Variants in C13orf46 observed in about 807,000 individuals in gnomAD.
The protein encoded by C13orf46 is chromosome 13 open reading frame 46, also known as uncharacterized protein C13orf46.
chr13:113,945,965 CCGCCCGTTCACTG>C, the C13orf46 span, among the ~76,000 whole-genome samples: 1 of 150,800 alleles, frequency 6.6e-6, no homozygotes, highest in Non-Finnish European at 1.5e-5. Flanking sequence ...AAACCCACCG[CCGCCCGTTCACTG>C]TGATTTAGGG....
At chr13:113,972,719 A>G (rs1030630474) in intron 1 of C13orf46, among the ~76,000 whole-genome samples, 14 of 152,214 alleles carry the variant, frequency 9.2e-5, no homozygotes, top group Non-Finnish European at 2.1e-4. Context: ...AACACCAGCT[A>G]CGCAGGTTCC....
rs1250388256 is a variant in C13orf46, at chr13:113,954,981, G to A, written c.*1792C>T. ...ACGAGGAGGAGGATCTGGCGGAGACGAGGAGGAGGATCTGGCAGAGAGGAG... is the reference window on the plus strand; with the variant it reads ...ACGAGGAGGAGGATCTGGCGGAGACAAGGAGGAGGATCTGGCAGAGAGGAG... On this transcript the variant is annotated 3_prime_UTR_variant, in exon 7 of 7. Coordinates refer to ENST00000636427, the MANE Select transcript of C13orf46 (RefSeq NM_001365455.2). 6 of 171,574 alleles carry A rather than the reference G, an allele frequency of 3.5e-5. No homozygotes were observed. The highest frequency in any genetic ancestry group is 1.9e-4 in the East Asian group (1 of 5,254). The allele number at this position is 171,574 out of a possible 1,614,324, so 10.6% of individuals were successfully genotyped here.
chr13:113,973,614 T>C (rs1174515886), intron 1 of C13orf46, among the ~76,000 whole-genome samples, 194 bp downstream of exon 1: 4 of 152,112 alleles, frequency 2.6e-5, no homozygotes, highest in Admixed American at 1.3e-4. Flanking sequence ...CCCCCTGCAA[T>C]GTATGACGTC....
the C13orf46 span, chr13:113,928,211 AAGCTCCC>A: frequency 6.6e-6 from 1 of 152,276 alleles, no homozygotes; most frequent in Non-Finnish European, 1.5e-5. Context: ...CAAGGCCAAG[AAGCTCCC>A]ATCGTGGAGG....
the C13orf46 span, among the ~76,000 whole-genome samples, chr13:113,940,351 G>C: frequency 6.6e-6 from 1 of 152,248 alleles, no homozygotes; most frequent in East Asian, 1.9e-4. Flanking sequence ...GATGCCAGCC[G>C]AGTATTCCCA....
rs2052525546 is a variant in C13orf46 at position 113,955,852 on chromosome 13, A to T, written c.*921T>A. 1 of 157,770 alleles carries T rather than the reference A, an allele frequency of 6.3e-6. No homozygotes were observed. Among genetic ancestry groups the T allele is most frequent in the African/African-American group, 2.6e-5 (1 of 38,194 alleles). 9.8% of individuals were successfully genotyped at this position (157,770 alleles called of 1,614,324 possible). A position where few individuals can be genotyped will look rare whatever the true frequency, so the allele number is the denominator to read the frequency against. Reference sequence around the variant, plus strand: ...TGGAGACGAGGAGCATCTCGAGGAGAGGAGGAGCATCTCGAGGAGAGGAGG... The same window carrying T: ...TGGAGACGAGGAGCATCTCGAGGAGTGGAGGAGCATCTCGAGGAGAGGAGG... On this transcript the variant is annotated 3_prime_UTR_variant, in exon 7 of 7. Transcript: ENST00000636427.
At position 113,955,027 on chromosome 13, in the gene C13orf46, G is replaced by A. The variant is rs1336028842; in HGVS notation, c.*1746C>T. On this transcript the variant is annotated 3_prime_UTR_variant, in exon 7 of 7. Transcript: ENST00000636427. ...AGGAGGAGTAGGATCTGGCGGAGAG[G>A]AGGAGTAGGATCTGGCGGAGAGGAG... is the stretch of plus-strand genomic sequence containing the variant. The A allele has an allele frequency of 1.7e-5, 3 of 181,184 alleles. No homozygotes were observed. Among genetic ancestry groups the A allele is most frequent in the East Asian group, 1.9e-4 (1 of 5,362 alleles). The allele number at this position is 181,184 out of a possible 1,614,324, so 11.2% of individuals were successfully genotyped here. A position where few individuals can be genotyped will look rare whatever the true frequency, so the allele number is the denominator to read the frequency against.
chr13:113,946,902 G>C, the C13orf46 span, among the ~76,000 whole-genome samples: 13,826 of 152,334 alleles, frequency 0.091, 717 homozygotes, highest in South Asian at 0.21. Flanking sequence ...GCCCCACAGC[G>C]GCGATAGGAG....
At chr13:113,927,659 G>A in the C13orf46 span, 1 of 398,512 alleles carries the variant, frequency 2.5e-6, no homozygotes, top group Non-Finnish European at 4.4e-6. Context: ...ATAAGACCAA[G>A]AATAATTAAT....
the C13orf46 span, among the ~76,000 whole-genome samples, chr13:113,937,287 CGTG>C: frequency 6.6e-6 from 1 of 152,176 alleles, no homozygotes; most frequent in South Asian, 2.1e-4. Flanking sequence ...GTGCAGTGAC[CGTG>C]GTCACGCCAC....
In C13orf46 at chr13:113,968,728, C is replaced by T. The variant is rs1252103741; in HGVS notation, c.275G>A (p.Ser92Asn). The change falls in exon 3 of 7, where the codon AGC (serine) becomes AAC (asparagine). Residue 92 changes from serine (S) to asparagine (N), a missense_variant. Ser to Asn is a conservative substitution (Grantham distance 46). Coordinates refer to ENST00000636427, the MANE Select transcript of C13orf46 (RefSeq NM_001365455.2). ...ACCCAGCTTCCCAAGGGTGCTGAAG[C>T]TTTCCTTCTTGTCTTGTGCTAGGTT... ...QKNLAQDKKE[S>N]FSTLGKLGHE... The T allele has an allele frequency of 6.6e-6, 1 of 152,348 alleles. No individual in the cohort carries two copies. The highest frequency in any genetic ancestry group is 6.5e-5 in the Admixed American group (1 of 15,288). 9.4% of individuals were successfully genotyped at this position (152,348 alleles called of 1,614,324 possible). A position where few individuals can be genotyped will look rare whatever the true frequency, so the allele number is the denominator to read the frequency against.
chr13:113,930,580 G>A, the C13orf46 span, among the ~76,000 whole-genome samples: 1 of 152,156 alleles, frequency 6.6e-6, no homozygotes. Flanking sequence ...TTGACCCTGA[G>A]CCCCCACGAG....
chr13:113,955,786 G>T lies in C13orf46; in HGVS notation c.*987C>A, dbSNP rs1357965288. On this transcript the variant is annotated 3_prime_UTR_variant, in exon 7 of 7. Coordinates refer to ENST00000636427, the MANE Select transcript of C13orf46 (RefSeq NM_001365455.2). ...ATCCGGCGGAGACGAGGAGCAGCCG[G>T]CGGAGACGAGGAGCAGCCGGCGGAG... is the stretch of plus-strand genomic sequence containing the variant. 26 of 158,892 alleles carry T rather than the reference G, an allele frequency of 1.6e-4. No homozygotes were observed. Among genetic ancestry groups the T allele is most frequent in the African/African-American group, 5.8e-4 (23 of 39,430 alleles). 9.8% of individuals were successfully genotyped at this position (158,892 alleles called of 1,614,324 possible).
intron 6 of C13orf46, among the ~76,000 whole-genome samples, chr13:113,959,245 C>G (rs971724310): frequency 1.3e-5 from 2 of 152,124 alleles, no homozygotes; most frequent in Non-Finnish European, 1.5e-5. Flanking sequence ...ACACTCCAGC[C>G]TGGGTGACAG....
At chr13:113,942,257 A>T in the C13orf46 span, among the ~76,000 whole-genome samples, 3 of 152,208 alleles carry the variant, frequency 2.0e-5, no homozygotes, top group South Asian at 6.2e-4. Context: ...GCCCGGGAGG[A>T]GGGACCCACT....
the C13orf46 span, among the ~76,000 whole-genome samples, chr13:113,940,513 A>G: frequency 3.0e-3 from 391 of 130,116 alleles, 1 homozygote; most frequent in African/African-American, 7.6e-3. Context: ...CTGGGACTCC[A>G]TGTGTGAGGC....
rs955715996 is a variant in C13orf46, at chr13:113,954,170, A to T, written c.*2603T>A. 39 of 152,334 alleles carry T rather than the reference A, an allele frequency of 2.6e-4. No homozygotes were observed. The highest frequency in any genetic ancestry group is 9.4e-4 in the African/African-American group (39 of 41,564). 9.4% of individuals were successfully genotyped at this position (152,334 alleles called of 1,614,324 possible). On this transcript the variant is annotated 3_prime_UTR_variant, in exon 7 of 7. Transcript: ENST00000636427. The stretch of plus-strand genomic sequence containing the variant: ...TGGGAGCCTCTGCATTATCATGTGC[A>T]CCACAGGGACGGCCCCCATGTGTCT...
chr13:113,932,007 C>T, the C13orf46 span, among the ~76,000 whole-genome samples: 13 of 152,026 alleles, frequency 8.6e-5, no homozygotes, highest in Non-Finnish European at 1.6e-4. Context: ...TAGATTAATT[C>T]ATTTCTGTCC....
chr13:113,942,184 C>T, the C13orf46 span, among the ~76,000 whole-genome samples: 1 of 152,252 alleles, frequency 6.6e-6, no homozygotes, highest in Non-Finnish European at 1.5e-5. Context: ...TTTTCACAAA[C>T]CACAGAATAC....
Sources: allele counts gnomAD v4.1 joint callset (sites outside exome capture counted in the v4.1 genomes callset), GRCh38; gene constraint gnomAD v4.1.1; transcripts MANE v1.5; gene names NCBI Gene and HGNC (gene_info 2026-07-23, HGNC 2026-07-21).